The following DEFB112 variants were observed in gnomAD, a reference collection of about 807,000 sequenced individuals.
DEFB112 encodes defensin beta 112.
DEFB112 carries 2 observed loss-of-function variants against 1.1 expected under a neutral mutation model. That is an observed-to-expected ratio of 1.85 (90% CI 0.76 to 5.83). The LOEUF (loss-of-function observed/expected upper bound fraction) is 5.83. Ranked by LOEUF, DEFB112 falls within the 30% of genes most tolerant of loss-of-function variation. The probability of loss-of-function intolerance (pLI) is 0.05; values close to 1 mark genes in which losing one functional copy is unlikely to be tolerated. For synonymous variants in DEFB112, 40 were observed against 31.2 expected, an observed-to-expected ratio of 1.28 and a Z score of -0.93; for missense variants, 120 against 94.4, an observed-to-expected ratio of 1.27 and a Z score of -1.12.
chr6:50,049,113 T>C (rs767715499), intron 1 of DEFB112, among the ~76,000 whole-genome samples: 1 of 152,152 alleles, frequency 6.6e-6, no homozygotes, highest in Non-Finnish European at 1.5e-5. Flanking sequence ...CATTATTAAC[T>C]GAAGTTCACC....
intron 1 of DEFB112, among the ~76,000 whole-genome samples, chr6:50,046,806 A>G (rs1311917362): frequency 6.6e-6 from 1 of 152,176 alleles, no homozygotes; most frequent in African/African-American, 2.4e-5. Flanking sequence ...CATTGAAGTG[A>G]TTGGTAAAGT....
chr6:50,048,602 G>A (rs1216359866), intron 1 of DEFB112: 21 of 1,613,470 alleles, frequency 1.3e-5, no homozygotes, highest in Non-Finnish European at 1.7e-5. Context: ...ATTTGTCTTT[G>A]AGTACATTTT....
intron 1 of DEFB112, chr6:50,048,768 C>A (rs1219653912): frequency 3.1e-6 from 2 of 640,698 alleles, no homozygotes; most frequent in Non-Finnish European, 2.7e-6. Context: ...ATTTAATGGT[C>A]CTATATATTA....
At chr6:50,044,541 G>A (rs989334632) in intron 1 of DEFB112, among the ~76,000 whole-genome samples, 4 of 152,046 alleles carry the variant, frequency 2.6e-5, no homozygotes, top group Non-Finnish European at 5.9e-5. Flanking sequence ...TATAAGGAAT[G>A]ATGTATGTAC....
intron 1 of DEFB112, among the ~76,000 whole-genome samples, chr6:50,049,426 T>C (rs1582384153): frequency 6.6e-6 from 1 of 152,140 alleles, no homozygotes; most frequent in Non-Finnish European, 1.5e-5. Context: ...ACTGTGGGGA[T>C]CAATGATTTC....
intron 1 of DEFB112, among the ~76,000 whole-genome samples, chr6:50,047,049 TG>T (rs893080632): frequency 1.3e-5 from 2 of 152,062 alleles, no homozygotes; most frequent in Admixed American, 6.5e-5. Flanking sequence ...AGCTTGGTGT[TG>T]GGGGGATCCA....
intron 1 of DEFB112, chr6:50,048,409 G>C: frequency 1.3e-6 from 1 of 783,086 alleles, no homozygotes; most frequent in East Asian, 2.7e-5. Context: ...AAAGCTATGA[G>C]GTGAAAGACA....
intron 1 of DEFB112, 52 bp from the exon 2 acceptor site, chr6:50,043,853 A>C: frequency 6.9e-7 from 1 of 1,457,074 alleles, no homozygotes; most frequent in Non-Finnish European, 9.6e-7. Flanking sequence ...GGAACTCCCA[A>C]GATTTAAAAG....
intron 1 of DEFB112, among the ~76,000 whole-genome samples, chr6:50,044,623 A>G (rs930789133): frequency 1.3e-5 from 2 of 152,068 alleles, no homozygotes; most frequent in African/African-American, 2.4e-5. Context: ...TATTCTCTGT[A>G]TCTCCACAGA....
intron 1 of DEFB112, among the ~76,000 whole-genome samples, chr6:50,046,825 G>A (rs1774843622): frequency 6.6e-6 from 1 of 152,158 alleles, no homozygotes; most frequent in South Asian, 2.1e-4. Flanking sequence ...GTGGTGTAAT[G>A]GACAAGAGGG....
At chr6:50,046,177 A>G (rs1365308949) in intron 1 of DEFB112, among the ~76,000 whole-genome samples, 1 of 151,458 alleles carries the variant, frequency 6.6e-6, no homozygotes, top group Non-Finnish European at 1.5e-5. Flanking sequence ...TTTCAACTCA[A>G]AATGTCTTTA....
chr6:50,044,100 T>C (rs1774795472), intron 1 of DEFB112, among the ~76,000 whole-genome samples: 1 of 152,070 alleles, frequency 6.6e-6, no homozygotes, highest in Non-Finnish European at 1.5e-5. Flanking sequence ...ACTAGAACCA[T>C]TGGATATGAG....
intron 1 of DEFB112, among the ~76,000 whole-genome samples, chr6:50,048,284 T>A (rs1237296024): frequency 6.6e-6 from 1 of 152,184 alleles, no homozygotes; most frequent in Admixed American, 6.5e-5. Flanking sequence ...AAAACCTTTC[T>A]TCATGGAAAT....
At chr6:50,045,369 T>A (rs957097245) in intron 1 of DEFB112, among the ~76,000 whole-genome samples, 1 of 152,076 alleles carries the variant, frequency 6.6e-6, no homozygotes, top group Non-Finnish European at 1.5e-5. Flanking sequence ...CACACCCTCA[T>A]GCCACATCAT....
rs542072741 is a variant in DEFB112, at chr6:50,042,270, A to G, written c.*1305T>C. Among the ~76,000 whole-genome samples, 23 of 152,140 alleles carry G rather than the reference A, an allele frequency of 1.5e-4. 2 individuals are homozygous for G. The South Asian group carries it at 4.6e-3, about 30-fold the overall frequency. ...AGCTCCAAATTGACACTGGTCAGAG[A>G]GCATAGTATTATACATATCAGGAAT... On this transcript the variant is annotated 3_prime_UTR_variant, in exon 2 of 2. Transcript: ENST00000651554.
chr6:50,047,083 G>A (rs1020168087), intron 1 of DEFB112, among the ~76,000 whole-genome samples: 1 of 152,184 alleles, frequency 6.6e-6, no homozygotes, highest in Non-Finnish European at 1.5e-5. Context: ...ACTGGGGCCA[G>A]CCTAGCTCTA....
rs187162154 is a variant in DEFB112, at chr6:50,042,323, C to A, written c.*1252G>T. ...CATATATAATTTGGACACCCAGATG[C>A]TTTTCCCTATGTGCCCAGGTACTGT... On this transcript the variant is annotated 3_prime_UTR_variant, in exon 2 of 2. Coordinates refer to ENST00000651554, the MANE Select transcript of DEFB112 (RefSeq NM_001369057.2). Among the ~76,000 whole-genome samples the A allele has an allele frequency of 6.6e-6, 1 of 151,980 alleles. No homozygotes were observed. The highest frequency in any genetic ancestry group is 2.4e-5 in the African/African-American group (1 of 41,432).
intron 1 of DEFB112, among the ~76,000 whole-genome samples, chr6:50,045,095 G>A (rs1391404669): frequency 6.6e-6 from 1 of 151,794 alleles, no homozygotes; most frequent in East Asian, 1.9e-4. Context: ...GCTAATAATT[G>A]TATTTTATTT....
At position 50,042,591 on chromosome 6, in the gene DEFB112, A is replaced by G. The variant is rs1325210712; in HGVS notation, c.*984T>C. Among the ~76,000 whole-genome samples, 1 of 152,070 alleles carries G rather than the reference A, an allele frequency of 6.6e-6. No homozygotes were observed. The highest frequency in any genetic ancestry group is 1.5e-5 in the Non-Finnish European group (1 of 67,948). ...ACATTCTTTAAGTAATACTTAGCAC[A>G]TACCAAGCCCTGCAAAACCATCACC... is the stretch of plus-strand genomic sequence containing the variant. On this transcript the variant is annotated 3_prime_UTR_variant, in exon 2 of 2. Transcript: ENST00000651554.
Sources: allele counts gnomAD v4.1 joint callset (sites outside exome capture counted in the v4.1 genomes callset), GRCh38; gene constraint gnomAD v4.1.1; transcripts MANE v1.5; gene names NCBI Gene and HGNC (gene_info 2026-07-23, HGNC 2026-07-21).